ERG: variants seen among roughly 807,000 people sequenced by gnomAD.
ERG encodes the protein ETS transcription factor ERG, also known as transcriptional regulator ERG.
ERG carries 9 observed loss-of-function variants against 55.3 expected under a neutral mutation model. The observed-to-expected ratio is 0.16, with a 90% CI of 0.10 to 0.28. The LOEUF is 0.28. Among genes scored for constraint, ERG ranks in the 10% least tolerant of loss-of-function variants. ERG has a pLI of 1.00. For missense variants in ERG, 434 were observed against 631.6 expected (o/e 0.69, Z 3.35); for synonymous variants, 223 against 237.3 (o/e 0.94, Z 0.55).
intron 2 of ERG, among the ~76,000 whole-genome samples, chr21:38,428,019 C>T (rs1236402923): frequency 6.6e-6 from 1 of 151,512 alleles, no homozygotes; most frequent in Non-Finnish European, 1.5e-5. Context: ...AATGTGTTTA[C>T]AAAAAATACA....
At chr21:38,468,040 T>C (rs148442379) in intron 1 of ERG, among the ~76,000 whole-genome samples, 2 of 152,332 alleles carry the variant, frequency 1.3e-5, no homozygotes, top group East Asian at 3.9e-4. Flanking sequence ...AACCAATGAT[T>C]GAAGCTGGGT....
At chr21:38,607,001 T>C (rs1014251890) in intron 1 of ERG, among the ~76,000 whole-genome samples, 1 of 152,014 alleles carries the variant, frequency 6.6e-6, no homozygotes, top group Non-Finnish European at 1.5e-5. Flanking sequence ...CATATCATGA[T>C]AAAACATCAA....
chr21:38,428,680 C>T (rs749562380), intron 2 of ERG, among the ~76,000 whole-genome samples: 3 of 152,186 alleles, frequency 2.0e-5, no homozygotes, highest in Admixed American at 6.5e-5. Context: ...TACTTTTAAA[C>T]ATACACATAC....
intron 1 of ERG, among the ~76,000 whole-genome samples, chr21:38,448,226 C>G (rs73904589): frequency 1.3e-5 from 2 of 152,228 alleles, no homozygotes; most frequent in African/African-American, 4.8e-5. Context: ...TAATTGAGAT[C>G]GATTTAGGAA....
intron 2 of ERG, among the ~76,000 whole-genome samples, chr21:38,542,318 T>C (rs1370434890): frequency 6.6e-6 from 1 of 152,228 alleles, no homozygotes; most frequent in Admixed American, 6.5e-5. Context: ...ACGACAGTTA[T>C]AAATCCATCA....
At chr21:38,403,854 A>G (rs545078674) in intron 3 of ERG, 145 bp from the exon 4 acceptor site, 1 of 695,828 alleles carries the variant, frequency 1.4e-6, no homozygotes, top group East Asian at 2.7e-5. Context: ...CCAGGAGAAC[A>G]TTTTGGGGGA....
intron 1 of ERG, among the ~76,000 whole-genome samples, chr21:38,645,561 G>A (rs1483636063): frequency 3.9e-5 from 6 of 152,118 alleles, no homozygotes; most frequent in Admixed American, 6.5e-5. Flanking sequence ...TCAGTTCTGC[G>A]GCTTGGGCTC....
At chr21:38,601,159 C>T (rs777126808) in intron 1 of ERG, among the ~76,000 whole-genome samples, 12 of 152,136 alleles carry the variant, frequency 7.9e-5, no homozygotes, top group South Asian at 2.1e-4. Context: ...GTCAGTAGGA[C>T]GCCTTCCCCC....
intron 2 of ERG, among the ~76,000 whole-genome samples, chr21:38,569,054 C>T (rs2059941036): frequency 6.6e-6 from 1 of 152,204 alleles, no homozygotes; most frequent in African/African-American, 2.4e-5. Flanking sequence ...TGCCCAGACC[C>T]CAGCAGCAGC....
intron 3 of ERG, among the ~76,000 whole-genome samples, chr21:38,412,957 C>T (rs1989127060): frequency 6.6e-6 from 1 of 152,148 alleles, no homozygotes; most frequent in Non-Finnish European, 1.5e-5. Context: ...TTATCACTAG[C>T]CCATGACCAT....
At chr21:38,552,250 A>G (rs969937065) in intron 2 of ERG, among the ~76,000 whole-genome samples, 6 of 152,194 alleles carry the variant, frequency 3.9e-5, no homozygotes, top group African/African-American at 9.7e-5. Context: ...ATTCTACCAG[A>G]TGTATAACAA....
intron 1 of ERG, among the ~76,000 whole-genome samples, chr21:38,487,656 T>C (rs1461882669): frequency 6.6e-6 from 1 of 152,162 alleles, no homozygotes; most frequent in Non-Finnish European, 1.5e-5. Flanking sequence ...GAAGCAGAAG[T>C]GTCAGGAGGT....
At chr21:38,635,389 A>G (rs1423991631) in intron 1 of ERG, among the ~76,000 whole-genome samples, 3 of 152,314 alleles carry the variant, frequency 2.0e-5, no homozygotes, top group South Asian at 2.1e-4. Flanking sequence ...TGATGTGCCA[A>G]CCTAGATTTA....
In ERG at chr21:38,651,427, C is replaced by G. The variant is rs946907286; in HGVS notation, c.-150+10231G>C. On this transcript the variant is annotated intron_variant, in intron 1 of 10. Transcript: ENST00000398910. ...CCACTAGCCACATGTGACTATGGAG[C>G]CCTTGAAATGTGACCAGCCCAGATG... 2.0e-5 allele frequency among the ~76,000 whole-genome samples: 3 copies of G among 152,156 alleles called. No homozygotes were observed. The South Asian group carries it at 6.2e-4, about 32-fold the overall frequency.
At chr21:38,644,916 AG>A (rs1369329110) in intron 1 of ERG, among the ~76,000 whole-genome samples, 1 of 152,060 alleles carries the variant, frequency 6.6e-6, no homozygotes, top group Non-Finnish European at 1.5e-5. Context: ...TAGCATTTTG[AG>A]GGGCCAAGGA....
chr21:38,599,828 T>A (rs2060153941), intron 1 of ERG, among the ~76,000 whole-genome samples: 1 of 152,150 alleles, frequency 6.6e-6, no homozygotes, highest in Non-Finnish European at 1.5e-5. Context: ...AGGCATGAGT[T>A]TGGAGGAAGT....
intron 3 of ERG, among the ~76,000 whole-genome samples, chr21:38,406,421 T>C (rs1368882714): frequency 1.3e-5 from 2 of 152,140 alleles, no homozygotes; most frequent in African/African-American, 4.8e-5. Context: ...AGAGATAAAA[T>C]GTTTCTTTTT....
intron 2 of ERG, among the ~76,000 whole-genome samples, chr21:38,565,698 C>A (rs1375290167): frequency 2.0e-5 from 3 of 152,180 alleles, no homozygotes; most frequent in Non-Finnish European, 4.4e-5. Flanking sequence ...CCTTCCCTAA[C>A]CTTTCGTGTA....
chr21:38,617,630 A>G lies in ERG; in HGVS notation c.-149-32685T>C, dbSNP rs78825163. On this transcript the variant is annotated intron_variant, in intron 1 of 10. Coordinates refer to the ERG transcript ENST00000398910. ...CTTCCTCACCCCTTCATCTCTTCAT[A>G]TAACATTCACTGAACATAAAACAGG... Among the ~76,000 whole-genome samples the G allele has an allele frequency of 5.0e-3, 758 of 152,322 alleles. 4 individuals are homozygous for G. Among genetic ancestry groups the G allele is most frequent in the Non-Finnish European group, 8.1e-3 (550 of 68,042 alleles).
Sources: gnomAD v4.1 joint callset for allele counts (sites outside exome capture counted in the v4.1 genomes callset) on GRCh38, gnomAD v4.1.1 for gene constraint, MANE v1.5 for transcripts, NCBI Gene and HGNC (gene_info 2026-07-23, HGNC 2026-07-21) for gene names.